QSOX2: variants seen among roughly 807,000 people sequenced by gnomAD.
QSOX2 encodes quiescin sulfhydryl oxidase 2.
A neutral mutation model predicts 61.7 loss-of-function variants in QSOX2; 46 were observed. The observed-to-expected ratio is 0.75, with a 90% CI of 0.59 to 0.95. The LOEUF (loss-of-function observed/expected upper bound fraction) is 0.95. Ranked by LOEUF, QSOX2 falls within the 40% of genes least tolerant of loss-of-function variation. The pLI is 0.00. For synonymous variants in QSOX2, 383 were observed against 388.4 expected (o/e 0.99, Z 0.16); for missense variants, 879 against 918.9 (o/e 0.96, Z 0.56).
At chr9:136,215,831 C>T (rs1284697171) in intron 9 of QSOX2, among the ~76,000 whole-genome samples, 1 of 152,168 alleles carries the variant, frequency 6.6e-6, no homozygotes, top group Non-Finnish European at 1.5e-5. Flanking sequence ...CTTTTCCTCC[C>T]TAAGGACTCC....
At position 136,209,173 on chromosome 9, in the gene QSOX2, T is replaced by A. The variant is rs755634826; in HGVS notation, c.1652A>T (p.Glu551Val). 6.2e-7 allele frequency: 1 copy of A among 1,614,190 alleles called. No individual in the cohort carries two copies. Among genetic ancestry groups the A allele is most frequent in the Non-Finnish European group, 8.5e-7 (1 of 1,180,028 alleles). ...EEIKGLASWD[E>V]GHVLTFLKQH... ...CTTCAAGAATGTGAGCACGTGGCCT[T>A]CATCCCAGCTGGCCAGGCCCTTAAT... The change falls in exon 12 of 12, where the codon GAA becomes GTA. Residue 551 changes from glutamate to valine, a missense_variant. Glu to Val is a moderately radical substitution (Grantham distance 121). Coordinates refer to ENST00000358701, the MANE Select transcript of QSOX2 (RefSeq NM_181701.4). This position sits in a 1 kb window ranked among gnomAD's most constrained non-coding sequence, Gnocchi z 5.6.
At chr9:136,244,225 A>G (rs116235114) in intron 1 of QSOX2, among the ~76,000 whole-genome samples, 315 of 152,292 alleles carry the variant, frequency 2.1e-3, no homozygotes, top group African/African-American at 7.2e-3. Context: ...CAGTGTCTAA[A>G]AACCCCACTG....
rs55964657 is a variant in QSOX2, at chr9:136,209,255, G to A, written c.1570C>T (p.Arg524Trp). The A allele has an allele frequency of 5.1e-3, 8,190 of 1,612,838 alleles. 31 individuals carry two copies. Among genetic ancestry groups the A allele is most frequent in the Non-Finnish European group, 6.1e-3 (7,223 of 1,179,202 alleles). The change falls in exon 12 of 12, where the codon CGG becomes TGG. Residue 524 changes from arginine to tryptophan, a missense_variant. By Grantham distance (101) the Arg-to-Trp change is moderately radical. Coordinates refer to ENST00000358701, the MANE Select transcript of QSOX2 (RefSeq NM_181701.4). This position sits in a 1 kb window ranked among gnomAD's most constrained non-coding sequence, Gnocchi z 5.6. ...RLAGHLSEDP[R>W]FPKLQWPTPD... The stretch of plus-strand genomic sequence containing the variant: ...GTGGGCCACTGAAGCTTTGGAAACC[G>A]GGGATCCTCACTCAGATGGCCTAGG...
At position 136,207,345 on chromosome 9, in the gene QSOX2, A is replaced by G. The variant is rs1831778151; in HGVS notation, c.*1383T>C. 1 of 144,330 alleles carries G rather than the reference A, an allele frequency of 6.9e-6. No homozygotes were observed. The highest frequency in any genetic ancestry group is 7.3e-5 in the Admixed American group (1 of 13,750). The allele number at this position is 144,330 out of a possible 1,614,324, so 8.9% of individuals were successfully genotyped here. On this transcript the variant is annotated 3_prime_UTR_variant, in exon 12 of 12. Transcript: ENST00000358701. ...AGCGGAAAAAATATCTACAACCGTC[A>G]AAGTCTCTCTCTCTCTCATACACAC...
chr9:136,213,029 A>C (rs1831866809), intron 10 of QSOX2, among the ~76,000 whole-genome samples: 1 of 152,108 alleles, frequency 6.6e-6, no homozygotes, highest in African/African-American at 2.4e-5. Flanking sequence ...AGAAGAGTTT[A>C]AAATCAAATA....
At chr9:136,217,417 G>A (rs72773791) in intron 8 of QSOX2, among the ~76,000 whole-genome samples, 34,777 of 152,138 alleles carry the variant, frequency 0.23, 4,825 homozygotes, top group Non-Finnish European at 0.32. Context: ...CACCAAAAGA[G>A]TTCCTCAAAC....
chr9:136,231,678 C>T (rs1830331503), intron 1 of QSOX2, among the ~76,000 whole-genome samples: 1 of 152,232 alleles, frequency 6.6e-6, no homozygotes, highest in African/African-American at 2.4e-5. Context: ...GCTCCTTACC[C>T]AGCCCGCTAC....
Position 136,215,203 on chromosome 9 carries a change from G to A in QSOX2, c.1311C>T (p.His437=), listed in dbSNP as rs745714085. 31 of 1,614,008 alleles carry A rather than the reference G, an allele frequency of 1.9e-5. No individual in the cohort carries two copies. In the East Asian group the frequency reaches 6.9e-4, roughly 36 times the overall value. ...GYPCSLWKLF[H]TLTVEASTHP... is the part of the protein sequence containing the mutation. Reference sequence around the variant, plus strand: ...GGGTCGAGGCTTCAACAGTCAAAGTGTGGAACAGTTTCCAGAGAGAACACG... The same window carrying A: ...GGGTCGAGGCTTCAACAGTCAAAGTATGGAACAGTTTCCAGAGAGAACACG... Residue 437 remains histidine (H), a synonymous_variant, in exon 10 of 12, where the codon CAC becomes CAT. Transcript: ENST00000358701.
rs562038876 is a variant in QSOX2 at position 136,223,225 on chromosome 9, G to C, written c.675+538C>G. Among the ~76,000 whole-genome samples the C allele has an allele frequency of 2.0e-5, 3 of 152,138 alleles. No individual in the cohort carries two copies. The highest frequency in any genetic ancestry group is 6.5e-5 in the Admixed American group (1 of 15,272). On this transcript the variant is annotated intron_variant, in intron 5 of 11. Coordinates refer to ENST00000358701, the MANE Select transcript of QSOX2 (RefSeq NM_181701.4). The surrounding 1 kb of genome is among the most constrained non-coding windows in gnomAD (Gnocchi z 4.4). ...GCAGTGAGGCCTTTCTCTCGTCTCC[G>C]GGAAGACTGTCAGCAATAATGACTC...
At chr9:136,244,854 C>T (rs1368128291) in intron 1 of QSOX2, among the ~76,000 whole-genome samples, 2 of 152,118 alleles carry the variant, frequency 1.3e-5, no homozygotes, top group East Asian at 3.8e-4. Flanking sequence ...AAAAAAATTG[C>T]TTTATAGGTT....
chr9:136,227,271 T>C (rs1022927886), intron 1 of QSOX2, among the ~76,000 whole-genome samples: 1 of 152,182 alleles, frequency 6.6e-6, no homozygotes, highest in African/African-American at 2.4e-5. Flanking sequence ...CGGTCCAGGC[T>C]GTTTGGCAAA....
At chr9:136,211,826 C>T (rs1033905795) in intron 10 of QSOX2, among the ~76,000 whole-genome samples, 1 of 152,242 alleles carries the variant, frequency 6.6e-6, no homozygotes, top group Non-Finnish European at 1.5e-5. Flanking sequence ...CCCGGAGTGC[C>T]GCTCTTCCCC....
At chr9:136,225,812 G>C (rs1830274910) in intron 2 of QSOX2, among the ~76,000 whole-genome samples, 1 of 152,238 alleles carries the variant, frequency 6.6e-6, no homozygotes, top group South Asian at 2.1e-4. Context: ...TAGTGGATCT[G>C]GGCAATGTCC....
chr9:136,210,730 A>G (rs1336184898), intron 11 of QSOX2: 1 of 985,118 alleles, frequency 1.0e-6, no homozygotes, highest in African/African-American at 1.7e-5. Context: ...CTCTATTAAG[A>G]TTTCTCAGTG....
chr9:136,229,374 C>T (rs1830310526), intron 1 of QSOX2, among the ~76,000 whole-genome samples: 1 of 152,264 alleles, frequency 6.6e-6, no homozygotes, highest in African/African-American at 2.4e-5. Context: ...GGGCGGACCC[C>T]TCCACAGCCC....
intron 1 of QSOX2, among the ~76,000 whole-genome samples, chr9:136,237,096 G>A (rs1379544735): frequency 2.2e-5 from 3 of 135,730 alleles, no homozygotes; most frequent in Admixed American, 1.5e-4. Context: ...GCCACACCTG[G>A]AGCCTGTCTT....
At chr9:136,240,859 A>G (rs1406297827) in intron 1 of QSOX2, among the ~76,000 whole-genome samples, 1 of 152,258 alleles carries the variant, frequency 6.6e-6, no homozygotes, top group Non-Finnish European at 1.5e-5. Flanking sequence ...CCGAGGTGAC[A>G]GCAATTCCAA....
intron 8 of QSOX2, among the ~76,000 whole-genome samples, chr9:136,218,061 C>T (rs889310042): frequency 6.6e-6 from 1 of 152,224 alleles, no homozygotes; most frequent in Non-Finnish European, 1.5e-5. Context: ...CAGTAACAAG[C>T]AACCGAGCTC....
intron 1 of QSOX2, among the ~76,000 whole-genome samples, chr9:136,236,762 A>AGCGTCACCTGGTGCCCGTCCTGGGCCG (rs1830386461): frequency 7.0e-6 from 1 of 143,536 alleles, no homozygotes; most frequent in Non-Finnish European, 1.5e-5. Context: ...GTCCTGGGCC[A>AGCGTCACCTGGTGCCCGTCCTGGGCCG]GCGTCACCTG....
Sources: gnomAD v4.1 joint callset for allele counts (sites outside exome capture counted in the v4.1 genomes callset) on GRCh38, gnomAD v4.1.1 for gene constraint, Gnocchi (gnomAD v3.1) non-coding constraint, MANE v1.5 for transcripts, NCBI Gene and HGNC (gene_info 2026-07-23, HGNC 2026-07-21) for gene names.